Variants in COL25A1 observed in about 807,000 individuals in gnomAD.
The protein encoded by COL25A1 is collagen type XXV alpha 1 chain.
A neutral mutation model predicts 128.4 loss-of-function variants in COL25A1; 103 were observed. The observed-to-expected ratio is 0.80, with a 90% CI of 0.68 to 0.94. The LOEUF (loss-of-function observed/expected upper bound fraction) is 0.94, where lower values mean the gene tolerates loss of function less well. Ranked by LOEUF, COL25A1 falls within the 40% of genes least tolerant of loss-of-function variation. The pLI is 0.00. For missense variants in COL25A1, 745 were observed against 840.0 expected (o/e 0.89, Z 1.40); for synonymous variants, 279 against 277.2 (o/e 1.01, Z -0.06).
chr4:108,891,497 A>G (rs574545181), intron 16 of COL25A1, among the ~76,000 whole-genome samples: 1 of 152,192 alleles, frequency 6.6e-6, no homozygotes, highest in Non-Finnish European at 1.5e-5. Context: ...GTACCAATGA[A>G]TCAGGTTTGC....
chr4:109,239,394 G>GTATATATATATATATATA (rs144842941), intron 3 of COL25A1, among the ~76,000 whole-genome samples: 1 of 116,582 alleles, frequency 8.6e-6, no homozygotes, highest in African/African-American at 3.7e-5. Flanking sequence ...GTGTGTGTGT[G>GTATATATATATATATATA]TATATATATA....
intron 19 of COL25A1, among the ~76,000 whole-genome samples, chr4:108,880,520 G>A (rs1279497764): frequency 6.6e-6 from 1 of 152,124 alleles, no homozygotes; most frequent in Non-Finnish European, 1.5e-5. Flanking sequence ...AATATTTTGA[G>A]CTGCCCCAAA....
chr4:109,051,361 T>C (rs948328816), intron 3 of COL25A1, among the ~76,000 whole-genome samples: 7 of 152,150 alleles, frequency 4.6e-5, no homozygotes, highest in African/African-American at 1.7e-4. Context: ...CTGTATTTTG[T>C]AAGAGGTTAA....
At chr4:108,835,026 ATG>A (rs1733617896) in intron 31 of COL25A1, among the ~76,000 whole-genome samples, 2 of 152,222 alleles carry the variant, frequency 1.3e-5, no homozygotes, top group Non-Finnish European at 2.9e-5. Context: ...CCAGAAAACA[ATG>A]TGTGCGACCA....
chr4:109,161,572 A>G (rs1380577677), intron 3 of COL25A1, among the ~76,000 whole-genome samples: 2 of 152,228 alleles, frequency 1.3e-5, no homozygotes, highest in African/African-American at 4.8e-5. Context: ...GGGAATTTAC[A>G]TTGATATCCA....
chr4:109,227,693 CTG>C (rs1778898242), intron 3 of COL25A1, among the ~76,000 whole-genome samples: 1 of 152,112 alleles, frequency 6.6e-6, no homozygotes, highest in African/African-American at 2.4e-5. Context: ...ATCTCTTCCA[CTG>C]TGTTATAAGG....
chr4:109,102,615 G>C (rs1281212751), intron 3 of COL25A1, among the ~76,000 whole-genome samples: 1 of 152,016 alleles, frequency 6.6e-6, no homozygotes, highest in Non-Finnish European at 1.5e-5. Flanking sequence ...GACTAAAATT[G>C]TGGGATTTTT....
At chr4:108,827,047 C>A in intron 33 of COL25A1, 88 bp downstream of exon 33, 1 of 1,110,668 alleles carries the variant, frequency 9.0e-7, no homozygotes, top group East Asian at 2.4e-5. Flanking sequence ...TAACATTAGT[C>A]TGCCCCACAA....
At chr4:108,904,855 G>C (rs1412097707) in intron 13 of COL25A1, among the ~76,000 whole-genome samples, 2 of 151,908 alleles carry the variant, frequency 1.3e-5, no homozygotes, top group African/African-American at 4.8e-5. Context: ...CATTTCCATT[G>C]TAAGCTGAAA....
intron 3 of COL25A1, among the ~76,000 whole-genome samples, chr4:109,070,188 T>G (rs3113689): frequency 0.84 from 127,492 of 151,000 alleles, 53,997 homozygotes; most frequent in East Asian, 1. Flanking sequence ...AACCCAAGAG[T>G]TGGAGGCTGC....
chr4:109,143,246 G>A (rs1266977415), intron 3 of COL25A1, among the ~76,000 whole-genome samples: 1 of 152,174 alleles, frequency 6.6e-6, no homozygotes, highest in African/African-American at 2.4e-5. Context: ...ACTCTCTTCT[G>A]GCTCGCAGGG....
At chr4:108,953,473 T>G (rs1258002776) in intron 8 of COL25A1, among the ~76,000 whole-genome samples, 2 of 152,182 alleles carry the variant, frequency 1.3e-5, no homozygotes, top group African/African-American at 4.8e-5. Flanking sequence ...ATATTTGATG[T>G]CATTTGTACA....
chr4:109,109,993 C>A (rs567784127), intron 3 of COL25A1, among the ~76,000 whole-genome samples: 3 of 152,064 alleles, frequency 2.0e-5, no homozygotes, highest in Admixed American at 6.6e-5. Flanking sequence ...TTCCTTCACA[C>A]GTTTCTTTTC....
intron 3 of COL25A1, among the ~76,000 whole-genome samples, chr4:109,231,827 C>T (rs906188040): frequency 2.0e-5 from 3 of 152,142 alleles, no homozygotes; most frequent in Non-Finnish European, 4.4e-5. Context: ...TTAGGCAAGT[C>T]AGAAACTTGC....
intron 6 of COL25A1, among the ~76,000 whole-genome samples, chr4:108,981,589 G>A (rs1250345158): frequency 2.0e-5 from 3 of 152,138 alleles, no homozygotes; most frequent in African/African-American, 4.8e-5. Context: ...TTAAAATGCA[G>A]TACATGAAAT....
chr4:108,835,859 G>GTTTTTTTTTTTT (rs1560721327), intron 31 of COL25A1, among the ~76,000 whole-genome samples: 1 of 89,532 alleles, frequency 1.1e-5, no homozygotes, highest in Non-Finnish European at 2.1e-5. Context: ...GCTTACATAC[G>GTTTTTTTTTTTT]TCTTTTTTTT....
chr4:108,810,657 G>C lies in COL25A1; in HGVS notation c.*3270C>G, dbSNP rs1309185296. On this transcript the variant is annotated 3_prime_UTR_variant, in exon 38 of 38. Transcript: ENST00000399132. ...AAAGACGAGTGAATGAAAAAGATGA[G>C]ACACATGAAAGTAGATAAAGGCATA... 1 of 151,908 alleles carries C rather than the reference G, an allele frequency of 6.6e-6. No homozygotes were observed. The highest frequency in any genetic ancestry group is 1.9e-4 in the East Asian group (1 of 5,194). 9.4% of individuals were successfully genotyped at this position (151,908 alleles called of 1,614,324 possible). A position where few individuals can be genotyped will look rare whatever the true frequency, so the allele number is the denominator to read the frequency against.
At chr4:109,115,168 A>G (rs551409313) in intron 3 of COL25A1, among the ~76,000 whole-genome samples, 1 of 152,210 alleles carries the variant, frequency 6.6e-6, no homozygotes, top group South Asian at 2.1e-4. Flanking sequence ...ATGAACATAA[A>G]CAGCAGCTGA....
At chr4:109,094,300 C>T (rs1191381128) in intron 3 of COL25A1, among the ~76,000 whole-genome samples, 1 of 152,138 alleles carries the variant, frequency 6.6e-6, no homozygotes, top group Non-Finnish European at 1.5e-5. Flanking sequence ...TCAGATCCTG[C>T]CAGAAGAACT....
Sources: gnomAD v4.1 joint callset for allele counts (sites outside exome capture counted in the v4.1 genomes callset) on GRCh38, gnomAD v4.1.1 for gene constraint, MANE v1.5 for transcripts, NCBI Gene and HGNC (gene_info 2026-07-23, HGNC 2026-07-21) for gene names.